Variants in OTUD7A observed in about 807,000 individuals in gnomAD.
OTUD7A encodes OTU deubiquitinase 7A.
In OTUD7A, 12 loss-of-function variants were observed where a neutral mutation model predicts 65.7. The ratio of observed to expected loss-of-function variants is 0.18; its 90% confidence interval spans 0.12 to 0.30. OTUD7A has a LOEUF of 0.30. Ranked by LOEUF, OTUD7A falls within the 10% of genes least tolerant of loss-of-function variation. OTUD7A has a pLI of 1.00. For missense variants in OTUD7A, 1,148 were observed against 1,304.8 expected, an observed-to-expected ratio of 0.88 and a Z score of 1.85; for synonymous variants, 641 against 586.3, an observed-to-expected ratio of 1.09 and a Z score of -1.35.
intron 6 of OTUD7A, among the ~76,000 whole-genome samples, chr15:31,530,170 T>C (rs890764025): frequency 2.0e-5 from 3 of 152,184 alleles, no homozygotes; most frequent in Non-Finnish European, 4.4e-5. Flanking sequence ...CCTACGTCTG[T>C]TTCCATTAGT....
At chr15:31,727,936 T>A (rs887770743) in intron 1 of OTUD7A, among the ~76,000 whole-genome samples, 1 of 152,186 alleles carries the variant, frequency 6.6e-6, no homozygotes, top group Non-Finnish European at 1.5e-5. Context: ...TCACTTATGC[T>A]TTCTCCACAG....
intron 3 of OTUD7A, among the ~76,000 whole-genome samples, chr15:31,633,019 T>C (rs1002743378): frequency 7.9e-5 from 12 of 151,192 alleles, no homozygotes; most frequent in African/African-American, 3.0e-4. Context: ...AGGTGCCGTC[T>C]GTCACCCCTT....
At chr15:31,504,132 C>G (rs1338415846) in intron 8 of OTUD7A, among the ~76,000 whole-genome samples, 1 of 152,146 alleles carries the variant, frequency 6.6e-6, no homozygotes, top group Admixed American at 6.5e-5. Context: ...CCTGTGGTAG[C>G]AGGGCTATTG....
intron 3 of OTUD7A, among the ~76,000 whole-genome samples, chr15:31,614,848 T>C (rs1458333061): frequency 6.6e-6 from 1 of 152,112 alleles, no homozygotes; most frequent in Non-Finnish European, 1.5e-5. Flanking sequence ...TGGGACAATA[T>C]TAATATACAA....
At chr15:31,751,286 A>G (rs1894627366) in intron 1 of OTUD7A, among the ~76,000 whole-genome samples, 1 of 150,662 alleles carries the variant, frequency 6.6e-6, no homozygotes, top group South Asian at 2.1e-4. Context: ...AAAAAGAGAC[A>G]TATGAGTGGC....
At chr15:31,651,769 C>T (rs1891844854) in intron 3 of OTUD7A, among the ~76,000 whole-genome samples, 1 of 152,012 alleles carries the variant, frequency 6.6e-6, no homozygotes, top group South Asian at 2.1e-4. Flanking sequence ...AACCCCGCCC[C>T]CCAATACACA....
At chr15:31,581,066 C>T (rs1215373987) in intron 3 of OTUD7A, among the ~76,000 whole-genome samples, 2 of 152,156 alleles carry the variant, frequency 1.3e-5, no homozygotes, top group South Asian at 2.1e-4. Flanking sequence ...AATGGGGGTA[C>T]ATGCAATGGG....
intron 3 of OTUD7A, among the ~76,000 whole-genome samples, chr15:31,636,086 G>C (rs1219343660): frequency 6.6e-6 from 1 of 152,246 alleles, no homozygotes; most frequent in African/African-American, 2.4e-5. Flanking sequence ...TTGAGAAGCT[G>C]ACACGTGTCC....
chr15:31,844,183 G>A (rs1482090003), intron 1 of OTUD7A, among the ~76,000 whole-genome samples: 1 of 152,180 alleles, frequency 6.6e-6, no homozygotes, highest in Admixed American at 6.5e-5. Flanking sequence ...CACTGACACA[G>A]TACAGGATAT....
chr15:31,483,524 A>G lies in OTUD7A; in HGVS notation c.2572T>C (p.Tyr858His). Residue 858 changes from tyrosine to histidine, a missense_variant, in exon 13 of 13, where the codon TAC becomes CAC. Coordinates refer to ENST00000307050, the MANE Select transcript of OTUD7A (RefSeq NM_001382637.1). The stretch of plus-strand genomic sequence containing the variant: ...CGCAGGGCGCCGAAGCCGTTGGTGT[A>G]GGTCTGCGACTTGTGCTCGGCCGCC... ...AGAAEHKSQT[Y>H]TNGFGALRDG... 7.2e-7 allele frequency: 1 copy of G among 1,383,464 alleles called. No homozygotes were observed. The allele number at this position is 1,383,464 out of a possible 1,614,324, so 85.7% of individuals were successfully genotyped here.
chr15:31,699,359 G>A (rs1179250971), intron 1 of OTUD7A, among the ~76,000 whole-genome samples: 5 of 152,148 alleles, frequency 3.3e-5, no homozygotes, highest in South Asian at 2.1e-4. Flanking sequence ...GATTACTGGC[G>A]TGAGCCATCA....
Position 31,711,926 on chromosome 15 carries a change from T to C in OTUD7A, c.-99-54849A>G, listed in dbSNP as rs1448745484. Among the ~76,000 whole-genome samples the C allele has an allele frequency of 9.1e-3, 1,373 of 150,696 alleles. 20 individuals are homozygous for C. Among genetic ancestry groups the C allele is most frequent in the African/African-American group, 0.033 (1,315 of 40,078 alleles). Reference sequence around the variant, plus strand: ...TGATTTTTCCTGCTTCCTTGGCAGATGGCGGTTATTGTGTTTTTGTGTTTC... The same window carrying C: ...TGATTTTTCCTGCTTCCTTGGCAGACGGCGGTTATTGTGTTTTTGTGTTTC... On this transcript the variant is annotated intron_variant, in intron 1 of 12. Coordinates refer to ENST00000307050, the MANE Select transcript of OTUD7A (RefSeq NM_001382637.1).
chr15:31,658,644 G>A (rs1314242760), intron 1 of OTUD7A, among the ~76,000 whole-genome samples: 2 of 152,158 alleles, frequency 1.3e-5, no homozygotes, highest in Admixed American at 6.5e-5. Context: ...GACACTTAGT[G>A]GAGGAAGTGG....
rs72709363 is a variant in OTUD7A at position 31,780,615 on chromosome 15, C to T, written c.-100+89892G>A. Among the ~76,000 whole-genome samples, 1,316 of 152,136 alleles carry T rather than the reference C, an allele frequency of 8.7e-3. 14 individuals are homozygous for T. The highest frequency in any genetic ancestry group is 0.014 in the Non-Finnish European group (926 of 68,008). ...CGAGGGATTTCTCACAGAAAACCAC[C>T]GAAGTACAGCATATGGGGAGAAAAG... On this transcript the variant is annotated intron_variant, in intron 1 of 12. Transcript: ENST00000307050.
chr15:31,805,719 G>T (rs548921000), intron 1 of OTUD7A, among the ~76,000 whole-genome samples: 6 of 152,300 alleles, frequency 3.9e-5, no homozygotes, highest in African/African-American at 1.4e-4. Context: ...TCTGCACAGG[G>T]AGCTGCCTGA....
At chr15:31,763,701 A>G (rs1303516796) in intron 1 of OTUD7A, among the ~76,000 whole-genome samples, 1 of 152,192 alleles carries the variant, frequency 6.6e-6, no homozygotes, top group Non-Finnish European at 1.5e-5. Context: ...AACCCCAAGC[A>G]AAAGAAAATA....
intron 10 of OTUD7A, among the ~76,000 whole-genome samples, chr15:31,493,269 A>G (rs560479534): frequency 7.2e-5 from 11 of 152,342 alleles, no homozygotes; most frequent in Middle Eastern, 3.4e-3. Flanking sequence ...GCTCCACAAC[A>G]TGGACTGTTA....
intron 1 of OTUD7A, among the ~76,000 whole-genome samples, chr15:31,686,911 T>C (rs1482976548): frequency 1.3e-5 from 2 of 152,228 alleles, no homozygotes; most frequent in Non-Finnish European, 2.9e-5. Context: ...TCAGAGGAAG[T>C]ATTTTTAAGA....
chr15:31,839,736 C>A (rs16955962), intron 1 of OTUD7A, among the ~76,000 whole-genome samples: 2,367 of 152,260 alleles, frequency 0.016, 64 homozygotes, highest in African/African-American at 0.054. Context: ...AGAAGGGTGT[C>A]ACTGCACCAT....
Sources: gnomAD v4.1 joint callset for allele counts (sites outside exome capture counted in the v4.1 genomes callset) on GRCh38, gnomAD v4.1.1 for gene constraint, MANE v1.5 for transcripts, NCBI Gene and HGNC (gene_info 2026-07-23, HGNC 2026-07-21) for gene names.